ATP9A: variants seen among roughly 807,000 people sequenced by gnomAD.
ATP9A encodes the protein probable phospholipid-transporting ATPase IIA.
Under a neutral mutation model 144.1 loss-of-function variants are expected in ATP9A, and 52 were observed. The ratio of observed to expected loss-of-function variants is 0.36; its 90% CI spans 0.29 to 0.45. The LOEUF (loss-of-function observed/expected upper bound fraction) is 0.45, where lower values mean the gene tolerates loss of function less well. ATP9A is among the 20% of genes least tolerant of loss of function. The probability of loss-of-function intolerance (pLI) is 1.00; values close to 1 mark genes in which losing one functional copy is unlikely to be tolerated. For synonymous variants in ATP9A, 582 were observed against 557.4 expected (o/e 1.04, Z -0.62); for missense variants, 947 against 1,392.7 (o/e 0.68, Z 5.09).
At chr20:51,668,648 TG>T (rs2122784841) in intron 13 of ATP9A, among the ~76,000 whole-genome samples, 1 of 152,282 alleles carries the variant, frequency 6.6e-6, no homozygotes, top group South Asian at 2.1e-4. Context: ...AAGTTCCTCG[TG>T]ATTTCTTAAT....
At chr20:51,644,798 A>AT (rs202220994) in intron 14 of ATP9A, among the ~76,000 whole-genome samples, 6 of 115,202 alleles carry the variant, frequency 5.2e-5, no homozygotes, top group African/African-American at 1.6e-4. Context: ...TATGGAAATG[A>AT]TTTTTTTATT....
intron 13 of ATP9A, among the ~76,000 whole-genome samples, chr20:51,658,613 G>A (rs941068413): frequency 6.9e-6 from 1 of 145,052 alleles, no homozygotes; most frequent in Non-Finnish European, 1.5e-5. Context: ...TCCGCCTCCT[G>A]GGTTCAAGTG....
In ATP9A at chr20:51,674,429, C is replaced by T. The variant is rs190033627; in HGVS notation, c.877-116G>A. ...GCCTCACTGCACTAACTCAGCCTGC[C>T]GGAGAGCTGGTCCTTCCCCTACAAA... On this transcript the variant is annotated intron_variant, in intron 10 of 27. Transcript: ENST00000338821. 298 of 1,047,096 alleles carry T rather than the reference C, an allele frequency of 2.8e-4. 1 individual carries two copies. The African/African-American group carries it at 3.9e-3, about 14-fold the overall frequency. The allele number at this position is 1,047,096 out of a possible 1,614,324, so 64.9% of individuals were successfully genotyped here. A position where few individuals can be genotyped will look rare whatever the true frequency, so the allele number is the denominator to read the frequency against.
rs181865410 is a variant in ATP9A at position 51,676,908 on chromosome 20, G to A, written c.800-700C>T. Reference sequence around the variant, plus strand: ...TGGGATTACAGGCATGAGCCACCACGCCCAGTCTCTTTTTTTTTTTTTTTT... The same window carrying A: ...TGGGATTACAGGCATGAGCCACCACACCCAGTCTCTTTTTTTTTTTTTTTT... On this transcript the variant is annotated intron_variant, in intron 9 of 27. Coordinates refer to ENST00000338821, the MANE Select transcript of ATP9A (RefSeq NM_006045.3). Among the ~76,000 whole-genome samples the A allele has an allele frequency of 1.5e-3, 201 of 135,732 alleles. 5 individuals are homozygous for A. In the East Asian group the frequency reaches 0.036, roughly 24 times the overall value. The allele number at this position is 135,732 out of a possible 152,430, so 89.0% of individuals were successfully genotyped here.
chr20:51,618,568 G>T, intron 21 of ATP9A, 94 bp downstream of exon 21: 1 of 1,482,430 alleles, frequency 6.7e-7, no homozygotes, highest in Non-Finnish European at 8.9e-7. Context: ...TGGGGAATTT[G>T]AAGAAAGAGC....
intron 1 of ATP9A, among the ~76,000 whole-genome samples, chr20:51,764,092 A>C (rs1175376567): frequency 6.6e-6 from 1 of 152,226 alleles, no homozygotes; most frequent in African/African-American, 2.4e-5. Flanking sequence ...CTGAGCACTT[A>C]TTCTCCTAAA....
intron 9 of ATP9A, among the ~76,000 whole-genome samples, chr20:51,687,009 T>C (rs985182234): frequency 1.3e-5 from 2 of 151,180 alleles, no homozygotes; most frequent in African/African-American, 4.9e-5. Flanking sequence ...CCAGGTAATC[T>C]AGGAAATTCA....
intron 21 of ATP9A, 79 bp downstream of exon 21, chr20:51,618,583 G>A (rs2077212879): frequency 2.0e-6 from 3 of 1,516,404 alleles, no homozygotes; most frequent in Admixed American, 4.2e-5. Flanking sequence ...AAGAGCAGCA[G>A]TGTCCAAATA....
intron 4 of ATP9A, among the ~76,000 whole-genome samples, chr20:51,710,869 A>C (rs1214488079): frequency 6.6e-6 from 1 of 152,176 alleles, no homozygotes; most frequent in East Asian, 1.9e-4. Flanking sequence ...ATATGAAAAG[A>C]ACCAAAGGAG....
intron 23 of ATP9A, among the ~76,000 whole-genome samples, chr20:51,612,105 G>A (rs150841266): frequency 4.1e-4 from 63 of 152,242 alleles, no homozygotes; most frequent in African/African-American, 1.5e-3. Context: ...CCTTAAAAAC[G>A]TCTCTGTTTT....
intron 1 of ATP9A, among the ~76,000 whole-genome samples, chr20:51,749,285 C>T (rs1285293455): frequency 2.6e-5 from 4 of 151,400 alleles, no homozygotes; most frequent in East Asian, 3.9e-4. Context: ...TTTTTTGAGA[C>T]GGAGTCTCAC....
Position 51,603,874 on chromosome 20 carries a change from G to A in ATP9A, c.3007+943C>T, listed in dbSNP as rs754907031. ...CAGCTCACTGCAACCTTCGCCTCCC[G>A]GGTTCAGGCGATTCTTCTGCCTCAG... On this transcript the variant is annotated intron_variant, in intron 27 of 27. Coordinates refer to ENST00000338821, the MANE Select transcript of ATP9A (RefSeq NM_006045.3). 6.6e-5 allele frequency among the ~76,000 whole-genome samples: 10 copies of A among 152,222 alleles called. No individual in the cohort carries two copies. In the East Asian group the frequency reaches 9.6e-4, roughly 15 times the overall value.
intron 3 of ATP9A, among the ~76,000 whole-genome samples, chr20:51,723,605 G>A (rs907625691): frequency 7.5e-6 from 1 of 133,204 alleles, no homozygotes; most frequent in Non-Finnish European, 1.6e-5. Flanking sequence ...TCGCTCTGTT[G>A]ACCAGGCTGG....
chr20:51,720,602 G>A (rs2122860976), intron 3 of ATP9A, among the ~76,000 whole-genome samples: 1 of 152,290 alleles, frequency 6.6e-6, no homozygotes. Flanking sequence ...GGGAGGTCAA[G>A]GTGGACGGAT....
chr20:51,634,718 GGTAGCACATGCCT>G (rs1175783417), intron 15 of ATP9A, among the ~76,000 whole-genome samples: 5 of 151,964 alleles, frequency 3.3e-5, no homozygotes, highest in African/African-American at 1.2e-4. Flanking sequence ...AGCCGGGCAT[GGTAGCACATGCCT>G]GTAATCCCAG....
chr20:51,753,953 C>T (rs1291769444), intron 1 of ATP9A, among the ~76,000 whole-genome samples: 8 of 151,406 alleles, frequency 5.3e-5, no homozygotes, highest in African/African-American at 1.7e-4. Flanking sequence ...GTTACAGGCA[C>T]GAGCCACCAT....
At chr20:51,698,972 C>T (rs1327037379) in intron 4 of ATP9A, among the ~76,000 whole-genome samples, 2 of 152,196 alleles carry the variant, frequency 1.3e-5, no homozygotes, top group Admixed American at 1.3e-4. Flanking sequence ...AGCAACACCA[C>T]AAAATCTTTA....
rs2077575529 is a variant in ATP9A, at chr20:51,697,489, A to G, written c.437-7T>C. On this transcript the variant is annotated splice_polypyrimidine_tract_variant and splice_region_variant and intron_variant, in intron 4 of 27. Transcript: ENST00000338821. The stretch of plus-strand genomic sequence containing the variant: ...CTCTTCACCTTCACTGTGCCTGCAA[A>G]GCAGCAGGTTCAAGATACATCACCA... 1 of 1,613,034 alleles carries G rather than the reference A, an allele frequency of 6.2e-7. No individual in the cohort carries two copies. The highest frequency in any genetic ancestry group is 8.5e-7 in the Non-Finnish European group (1 of 1,179,678).
chr20:51,713,224 C>T (rs912782936), intron 3 of ATP9A, 150 bp from the exon 4 acceptor site: 7 of 674,738 alleles, frequency 1.0e-5, no homozygotes, highest in South Asian at 1.7e-5. Flanking sequence ...ATGCACACGC[C>T]GCTGCAAGCC....
Sources: allele counts gnomAD v4.1 joint callset (sites outside exome capture counted in the v4.1 genomes callset), GRCh38; gene constraint gnomAD v4.1.1; transcripts MANE v1.5; gene names NCBI Gene and HGNC (gene_info 2026-07-23, HGNC 2026-07-21).